The following CCDC102B variants were observed in gnomAD, a reference collection of about 807,000 sequenced individuals.
CCDC102B encodes the protein coiled-coil domain-containing protein 102B.
A neutral mutation model predicts 57.4 loss-of-function variants in CCDC102B; 75 were observed. That is an observed-to-expected ratio of 1.31 (90% CI 1.08 to 1.58). CCDC102B has a LOEUF of 1.58. Ranked by LOEUF, CCDC102B falls within the 40% of genes most tolerant of loss-of-function variation. CCDC102B has a pLI of 0.00. For missense variants in CCDC102B, 636 were observed against 582.6 expected (o/e 1.09, Z -0.94); for synonymous variants, 206 against 201.9 (o/e 1.02, Z -0.17).
At chr18:68,834,432 C>CATACATATAT (rs1555709622) in intron 1 of CCDC102B, among the ~76,000 whole-genome samples, 2 of 137,714 alleles carry the variant, frequency 1.5e-5, no homozygotes, top group Non-Finnish European at 3.1e-5. Context: ...TATGTAAATA[C>CATACATATAT]ATATATATAT....
chr18:68,901,561 G>T (rs548472568), intron 6 of CCDC102B, among the ~76,000 whole-genome samples: 3 of 152,104 alleles, frequency 2.0e-5, no homozygotes, highest in African/African-American at 7.2e-5. Flanking sequence ...GCTGATAATT[G>T]TTGGTTGGTT....
intron 6 of CCDC102B, among the ~76,000 whole-genome samples, chr18:68,935,660 C>T (rs971635838): frequency 6.6e-6 from 1 of 151,794 alleles, no homozygotes; most frequent in East Asian, 1.9e-4. Flanking sequence ...CAGATGAACA[C>T]GAATTGATAG....
intron 6 of CCDC102B, among the ~76,000 whole-genome samples, chr18:68,947,988 T>A (rs1408218342): frequency 6.6e-6 from 1 of 152,142 alleles, no homozygotes; most frequent in Admixed American, 6.6e-5. Flanking sequence ...CCTAGCTGGA[T>A]CAAGTTTGTA....
chr18:69,010,923 T>C lies in CCDC102B; in HGVS notation c.1264-11T>C, dbSNP rs765068533. The C allele has an allele frequency of 1.9e-6, 3 of 1,556,766 alleles. No individual in the cohort carries two copies. The highest frequency in any genetic ancestry group is 1.9e-5 in the Admixed American group (1 of 52,324). On this transcript the variant is annotated splice_polypyrimidine_tract_variant and intron_variant, in intron 6 of 7. Coordinates refer to ENST00000360242, the MANE Select transcript of CCDC102B (RefSeq NM_024781.3). ...ACTATAAATAATGTAATTTTTGTTT[T>C]CCTTTGAAAGGAATTACTGAACCTT...
chr18:68,866,242 T>C (rs1253982894), intron 4 of CCDC102B, among the ~76,000 whole-genome samples: 1 of 152,216 alleles, frequency 6.6e-6, no homozygotes, highest in Non-Finnish European at 1.5e-5. Flanking sequence ...GTTATAGTAA[T>C]AATAGATACA....
At chr18:68,732,430 C>T (rs2032920553) in intron 2 of CCDC102B, among the ~76,000 whole-genome samples, 1 of 151,780 alleles carries the variant, frequency 6.6e-6, no homozygotes, top group Non-Finnish European at 1.5e-5. Context: ...ATTGCAACCT[C>T]CGCCTCCCAA....
intron 6 of CCDC102B, among the ~76,000 whole-genome samples, chr18:68,931,884 A>G (rs1451954033): frequency 6.6e-6 from 1 of 151,952 alleles, no homozygotes; most frequent in Non-Finnish European, 1.5e-5. Flanking sequence ...TCTAGGAACA[A>G]GAGGAATATT....
intron 6 of CCDC102B, among the ~76,000 whole-genome samples, chr18:69,006,587 T>TACAGGGC (rs1293943085): frequency 7.1e-4 from 2 of 2,834 alleles, no homozygotes; most frequent in African/African-American, 8.3e-4. Context: ...ACACAGGGCT[T>TACAGGGC]TTTTTTTTTT....
intron 1 of CCDC102B, among the ~76,000 whole-genome samples, chr18:68,829,697 A>G (rs918833132): frequency 2.4e-4 from 37 of 152,142 alleles, no homozygotes; most frequent in Middle Eastern, 3.4e-3. Context: ...AAGTGTAAAT[A>G]GACCTGTGAA....
intron 3 of CCDC102B, among the ~76,000 whole-genome samples, chr18:68,842,031 G>A (rs564763877): frequency 7.9e-5 from 12 of 152,118 alleles, no homozygotes; most frequent in African/African-American, 1.2e-4. Context: ...GAGCCACTGC[G>A]CCCAGCCCAT....
chr18:68,942,497 G>A (rs2049406609), intron 6 of CCDC102B, among the ~76,000 whole-genome samples: 1 of 151,980 alleles, frequency 6.6e-6, no homozygotes, highest in Non-Finnish European at 1.5e-5. Context: ...GGACAATAGG[G>A]TAGTAATGGA....
At chr18:68,967,517 T>C (rs901848525) in intron 6 of CCDC102B, among the ~76,000 whole-genome samples, 2 of 152,178 alleles carry the variant, frequency 1.3e-5, no homozygotes, top group African/African-American at 2.4e-5. Context: ...GAAGGACAAT[T>C]TCATGAACAG....
intron 6 of CCDC102B, among the ~76,000 whole-genome samples, chr18:68,926,843 A>C (rs1253123792): frequency 1.3e-5 from 2 of 151,972 alleles, no homozygotes; most frequent in Non-Finnish European, 2.9e-5. Context: ...TATTGATTTA[A>C]TGAAGCACCA....
chr18:69,041,607 T>A (rs2052436406), intron 7 of CCDC102B, among the ~76,000 whole-genome samples: 1 of 152,134 alleles, frequency 6.6e-6, no homozygotes, highest in Admixed American at 6.6e-5. Context: ...CCCAGGTTGT[T>A]ACATGCCTGG....
At chr18:68,898,936 C>T (rs116841954) in intron 6 of CCDC102B, among the ~76,000 whole-genome samples, 1,641 of 152,048 alleles carry the variant, frequency 0.011, 38 homozygotes, top group East Asian at 0.081. Context: ...CTGGCATTGG[C>T]GTAACCTGTC....
intron 6 of CCDC102B, among the ~76,000 whole-genome samples, chr18:68,958,704 T>C (rs187941422): frequency 3.3e-5 from 5 of 152,280 alleles, no homozygotes; most frequent in African/African-American, 4.8e-5. Flanking sequence ...TCTTCTGTCT[T>C]CTCTGATTGT....
In CCDC102B at chr18:68,821,138, T is replaced by A. The variant is rs2036674415; in HGVS notation, c.-15-15611T>A. Among the ~76,000 whole-genome samples, 7 of 152,046 alleles carry A rather than the reference T, an allele frequency of 4.6e-5. No individual in the cohort carries two copies. The South Asian group carries it at 1.4e-3, about 31-fold the overall frequency. On this transcript the variant is annotated intron_variant, in intron 1 of 7. Coordinates refer to ENST00000360242, the MANE Select transcript of CCDC102B (RefSeq NM_024781.3). ...TGGAGTTTGGTGATCCAAAAGCAAA[T>A]TCATGTCCTTCACACTACACAAAAA...
chr18:68,899,809 A>G (rs1337295594), intron 6 of CCDC102B: 3 of 152,102 alleles, frequency 2.0e-5, no homozygotes, highest in African/African-American at 7.2e-5. Context: ...TTTTTATTTC[A>G]ATGGTATAGA....
chr18:68,945,147 C>CACACAT (rs2049501982), intron 6 of CCDC102B, among the ~76,000 whole-genome samples: 1 of 151,616 alleles, frequency 6.6e-6, no homozygotes, highest in African/African-American at 2.4e-5. Flanking sequence ...CACACACACA[C>CACACAT]ACTCATCTAG....
Sources: gnomAD v4.1 joint callset for allele counts (sites outside exome capture counted in the v4.1 genomes callset) on GRCh38, gnomAD v4.1.1 for gene constraint, MANE v1.5 for transcripts, NCBI Gene and HGNC (gene_info 2026-07-23, HGNC 2026-07-21) for gene names.